RAD50: variants seen among roughly 807,000 people sequenced by gnomAD.
RAD50 encodes the protein RAD50 double strand break repair protein.
RAD50 carries 132 observed loss-of-function variants against 168.8 expected under a neutral mutation model. That is an observed-to-expected ratio of 0.78 (90% CI 0.68 to 0.90). RAD50 has a LOEUF of 0.90. Among genes scored for constraint, RAD50 ranks in the 40% least tolerant of loss-of-function variants. RAD50 has a pLI of 0.00. For missense variants in RAD50, 1,347 were observed against 1,534.4 expected (o/e 0.88, Z 2.04); for synonymous variants, 525 against 497.4 (o/e 1.06, Z -0.74).
intron 21 of RAD50, among the ~76,000 whole-genome samples, chr5:132,625,673 A>G (rs1751362257): frequency 6.6e-6 from 1 of 152,118 alleles, no homozygotes; most frequent in African/African-American, 2.4e-5. Context: ...CTTGTTAACC[A>G]TCTCCACTGC....
At chr5:132,587,738 G>T (rs910567692) in intron 6 of RAD50, 48 bp downstream of exon 6, 3 of 1,610,988 alleles carry the variant, frequency 1.9e-6, no homozygotes, top group Admixed American at 3.3e-5. Context: ...TGGGATTATT[G>T]TAATGAACTT....
In RAD50 at chr5:132,645,669, C is replaced by T. The variant is rs1751833697; in HGVS notation, c.*3305C>T. ...AGCCAATGAAAAGTTTACTATTAAG[C>T]CAGCTACGGTAAGTGGGCAATTAGA... On this transcript the variant is annotated 3_prime_UTR_variant, in exon 25 of 25. Transcript: ENST00000378823. 1 of 152,178 alleles carries T rather than the reference C, an allele frequency of 6.6e-6. No individual in the cohort carries two copies. Among genetic ancestry groups the T allele is most frequent in the African/African-American group, 2.4e-5 (1 of 41,428 alleles). The allele number at this position is 152,178 out of a possible 1,614,324, so 9.4% of individuals were successfully genotyped here. A position where few individuals can be genotyped will look rare whatever the true frequency, so the allele number is the denominator to read the frequency against.
intron 24 of RAD50, 128 bp from the exon 25 acceptor site, chr5:132,642,050 C>T: frequency 9.9e-7 from 1 of 1,007,560 alleles, no homozygotes; most frequent in Non-Finnish European, 1.5e-6. Context: ...CCTCCACTTC[C>T]TGCAGGGTAG....
chr5:132,566,677 A>G (rs1389793701), intron 2 of RAD50, among the ~76,000 whole-genome samples: 1 of 152,216 alleles, frequency 6.6e-6, no homozygotes. Flanking sequence ...TATCTACTTC[A>G]TGCAATTCCC....
intron 2 of RAD50, among the ~76,000 whole-genome samples, chr5:132,560,269 TTTA>T (rs1353727779): frequency 2.0e-5 from 3 of 152,214 alleles, no homozygotes; most frequent in East Asian, 1.9e-4. Flanking sequence ...ATACTTCTAT[TTTA>T]TTGTTTTTAA....
At chr5:132,583,124 C>G (rs1750533795) in intron 5 of RAD50, among the ~76,000 whole-genome samples, 1 of 152,190 alleles carries the variant, frequency 6.6e-6, no homozygotes. Context: ...TTGTTAGACT[C>G]TACTCAAAAG....
chr5:132,623,871 C>T (rs1751326505), intron 21 of RAD50, among the ~76,000 whole-genome samples: 1 of 152,160 alleles, frequency 6.6e-6, no homozygotes, highest in Non-Finnish European at 1.5e-5. Context: ...ACTCTGGTTT[C>T]AGTATGAGGA....
intron 19 of RAD50, among the ~76,000 whole-genome samples, chr5:132,610,298 A>C (rs1366148962): frequency 6.6e-6 from 1 of 152,176 alleles, no homozygotes; most frequent in Non-Finnish European, 1.5e-5. Context: ...ATGTAGCATA[A>C]ATTCACAAAA....
At chr5:132,634,242 C>T (rs747644098) in intron 21 of RAD50, among the ~76,000 whole-genome samples, 5 of 152,108 alleles carry the variant, frequency 3.3e-5, no homozygotes, top group Non-Finnish European at 5.9e-5. Context: ...TCCTTTTATC[C>T]TATTGTAAAG....
At chr5:132,638,902 T>C (rs1393946272) in intron 23 of RAD50, among the ~76,000 whole-genome samples, 1 of 152,206 alleles carries the variant, frequency 6.6e-6, no homozygotes, top group African/African-American at 2.4e-5. Context: ...GTAACAAAGA[T>C]GTCACAGATA....
intron 5 of RAD50, among the ~76,000 whole-genome samples, chr5:132,584,368 C>T (rs1750557788): frequency 6.6e-6 from 1 of 151,990 alleles, no homozygotes; most frequent in Non-Finnish European, 1.5e-5. Context: ...TTGTTTTTTT[C>T]TTGTAAATTT....
At chr5:132,607,105 C>G (rs187466361) in intron 16 of RAD50, among the ~76,000 whole-genome samples, 2 of 152,234 alleles carry the variant, frequency 1.3e-5, no homozygotes, top group Admixed American at 1.3e-4. Flanking sequence ...TTGTGTGGTT[C>G]CTAAGTGATA....
In RAD50 at chr5:132,594,829, C is replaced by T. The variant is rs202077438; in HGVS notation, c.1794-40C>T. 27 of 1,558,754 alleles carry T rather than the reference C, an allele frequency of 1.7e-5. No individual in the cohort carries two copies. The East Asian group carries it at 5.8e-4, about 34-fold the overall frequency. On this transcript the variant is annotated intron_variant, in intron 11 of 24. Coordinates refer to ENST00000378823, the MANE Select transcript of RAD50 (RefSeq NM_005732.4). ...TACTCAAATTTTCAAACTAATTTCT[C>T]CTATTTTAAAATGAAAATCCATATT... is the stretch of plus-strand genomic sequence containing the variant.
intron 2 of RAD50, among the ~76,000 whole-genome samples, chr5:132,567,256 G>A (rs896058704): frequency 1.3e-5 from 2 of 151,802 alleles, no homozygotes; most frequent in Non-Finnish European, 2.9e-5. Context: ...ACTTATACTC[G>A]CAAGATGAAT....
At chr5:132,640,102 T>G (rs920682737) in intron 23 of RAD50, among the ~76,000 whole-genome samples, 10 of 152,194 alleles carry the variant, frequency 6.6e-5, no homozygotes, top group Non-Finnish European at 1.3e-4. Flanking sequence ...TTCCAGTTAC[T>G]TGGATTTTCT....
At chr5:132,619,377 C>G (rs1464343683) in intron 21 of RAD50, among the ~76,000 whole-genome samples, 2 of 152,012 alleles carry the variant, frequency 1.3e-5, no homozygotes, top group Non-Finnish European at 2.9e-5. Context: ...AATGATGAAT[C>G]GTTGTTTATA....
rs1206002245 is a variant in RAD50, at chr5:132,644,339, C to T, written c.*1975C>T. On this transcript the variant is annotated 3_prime_UTR_variant, in exon 25 of 25. Coordinates refer to ENST00000378823, the MANE Select transcript of RAD50 (RefSeq NM_005732.4). ...TGCTTCTAGATCAGTCTCCAAATAT[C>T]CCCCTTCCCCACATTGGAATGAATA... 3 of 171,748 alleles carry T rather than the reference C, an allele frequency of 1.7e-5. No homozygotes were observed. Among genetic ancestry groups the T allele is most frequent in the East Asian group, 1.1e-4 (1 of 9,382 alleles). 10.6% of individuals were successfully genotyped at this position (171,748 alleles called of 1,614,324 possible).
rs757669763 is a variant in RAD50, at chr5:132,603,381, C to G, written c.2289C>G (p.Arg763=). ...KLQNVNRDIQ[R]LKNDIEEQET... is the part of the protein sequence containing the mutation. ...AGAATGTCAATAGAGACATACAGCGCCTAAAGAACGACATAGAAGAACAAG... is the reference window on the plus strand; with the variant it reads ...AGAATGTCAATAGAGACATACAGCGGCTAAAGAACGACATAGAAGAACAAG... The change falls in exon 14 of 25, where the codon CGC becomes CGG. Residue 763 remains arginine, a synonymous_variant. Transcript: ENST00000378823. 1.2e-6 allele frequency: 2 copies of G among 1,613,604 alleles called. No homozygotes were observed. Among genetic ancestry groups the G allele is most frequent in the Non-Finnish European group, 1.7e-6 (2 of 1,179,736 alleles).
intron 21 of RAD50, among the ~76,000 whole-genome samples, chr5:132,624,503 CA>C (rs1376541949): frequency 2.6e-5 from 4 of 152,028 alleles, no homozygotes; most frequent in Non-Finnish European, 4.4e-5. Context: ...ATAGACTTAT[CA>C]AACATTCATT....
Sources: gnomAD v4.1 joint callset for allele counts (sites outside exome capture counted in the v4.1 genomes callset) on GRCh38, gnomAD v4.1.1 for gene constraint, MANE v1.5 for transcripts, NCBI Gene and HGNC (gene_info 2026-07-23, HGNC 2026-07-21) for gene names.